PLEKHB1: variants seen among roughly 807,000 people sequenced by gnomAD.
PLEKHB1 encodes the protein pleckstrin homology domain-containing family B member 1.
Under a neutral mutation model 36.2 loss-of-function variants are expected in PLEKHB1, and 29 were observed. The ratio of observed to expected loss-of-function variants is 0.80; its 90% CI spans 0.60 to 1.09. The LOEUF is 1.09. Ranked by LOEUF, PLEKHB1 falls within the 50% of genes least tolerant of loss-of-function variation. The pLI, the probability that PLEKHB1 is intolerant of heterozygous loss-of-function variation, is 0.00. For synonymous variants in PLEKHB1, 138 were observed against 140.0 expected (o/e 0.99, Z 0.10); for missense variants, 330 against 348.2 (o/e 0.95, Z 0.42).
At chr11:73,649,876 G>A (rs1278229916) in intron 2 of PLEKHB1, among the ~76,000 whole-genome samples, 1 of 152,256 alleles carries the variant, frequency 6.6e-6, no homozygotes, top group East Asian at 1.9e-4. Context: ...GGAGGCAGAT[G>A]CTACACAAAT....
chr11:73,653,335 C>T (rs138611225), intron 5 of PLEKHB1: 114 of 599,540 alleles, frequency 1.9e-4, no homozygotes, highest in Non-Finnish European at 3.0e-4. Flanking sequence ...TCACAACAGT[C>T]CTGTGAAGTT....
chr11:73,656,090 A>G (rs1467147096), intron 6 of PLEKHB1, among the ~76,000 whole-genome samples, 183 bp downstream of exon 6: 1 of 152,142 alleles, frequency 6.6e-6, no homozygotes, highest in African/African-American at 2.4e-5. Context: ...TCCCTCTGCC[A>G]GCCTTCGCAC....
In PLEKHB1 at chr11:73,658,844, T is replaced by C. The variant is rs562984295; in HGVS notation, c.496-1909T>C. ...GTTGCCCAGACTGGTCTTGAACTCC[T>C]GCATTCAAGCAATCCTCCCGCCTCA... On this transcript the variant is annotated intron_variant, in intron 6 of 7. Transcript: ENST00000354190. 1.2e-3 allele frequency among the ~76,000 whole-genome samples: 179 copies of C among 152,314 alleles called. 1 individual carries two copies. The highest frequency in any genetic ancestry group is 4.1e-3 in the African/African-American group (172 of 41,578).
At chr11:73,657,154 T>C (rs1228680506) in intron 6 of PLEKHB1, among the ~76,000 whole-genome samples, 1 of 151,734 alleles carries the variant, frequency 6.6e-6, no homozygotes, top group Admixed American at 6.6e-5. Context: ...AAAAAAAAAA[T>C]TGTCTCCTGA....
chr11:73,651,849 C>T lies in PLEKHB1; in HGVS notation c.309C>T (p.Gly103=), dbSNP rs747673290. 5.6e-6 allele frequency: 9 copies of T among 1,613,392 alleles called. No individual in the cohort carries two copies. The highest frequency in any genetic ancestry group is 2.7e-5 in the African/African-American group (2 of 74,948). Reference sequence around the variant, plus strand: ...TGCTGACTGTGAACCTACGGGAAGGCGGCCGCCTGCACCTCTGTGCGGAGA... The same window carrying T: ...TGCTGACTGTGAACCTACGGGAAGGTGGCCGCCTGCACCTCTGTGCGGAGA... ...DGLLTVNLRE[G]GRLHLCAETK... is the part of the protein sequence containing the mutation. The change falls in exon 4 of 8, where the codon GGC becomes GGT. Residue 103 remains glycine (G), a synonymous_variant. Coordinates refer to ENST00000354190, the MANE Select transcript of PLEKHB1 (RefSeq NM_021200.3).
At chr11:73,651,549 C>T in intron 3 of PLEKHB1, 2 of 646,508 alleles carry the variant, frequency 3.1e-6, no homozygotes, top group Non-Finnish European at 5.7e-6. Flanking sequence ...CCACCAAGGC[C>T]CAGGCCACAG....
At chr11:73,654,079 G>A (rs1339077216) in intron 5 of PLEKHB1, among the ~76,000 whole-genome samples, 1 of 152,152 alleles carries the variant, frequency 6.6e-6, no homozygotes, top group Admixed American at 6.5e-5. Flanking sequence ...ATTATAGAGG[G>A]TAACTGCAGA....
At chr11:73,651,297 C>T in intron 3 of PLEKHB1, 1 of 386,294 alleles carries the variant, frequency 2.6e-6, no homozygotes, top group Admixed American at 3.1e-5. Flanking sequence ...GCAGAGGTTG[C>T]AGTGAGTGTT....
chr11:73,659,817 G>A (rs140085245), intron 6 of PLEKHB1, among the ~76,000 whole-genome samples: 18 of 152,306 alleles, frequency 1.2e-4, no homozygotes, highest in African/African-American at 4.3e-4. Flanking sequence ...CTATGGTCAT[G>A]TGGAGCTAAT....
intron 5 of PLEKHB1, 91 bp from the exon 6 acceptor site, chr11:73,655,712 C>A: frequency 8.8e-7 from 1 of 1,138,776 alleles, no homozygotes; most frequent in Non-Finnish European, 1.3e-6. Flanking sequence ...CTGGTAGGGT[C>A]TGGAAAGAGC....
chr11:73,648,963 T>G, intron 1 of PLEKHB1, 49 bp from the exon 2 acceptor site: 1 of 1,556,446 alleles, frequency 6.4e-7, no homozygotes, highest in Non-Finnish European at 8.7e-7. Flanking sequence ...GGGGCTTCTC[T>G]CCAGGGAGCT....
At chr11:73,647,129 A>C (rs609218) in intron 1 of PLEKHB1, among the ~76,000 whole-genome samples, 16,958 of 152,104 alleles carry the variant, frequency 0.11, 3,093 homozygotes, top group African/African-American at 0.38. Flanking sequence ...TCATAGGGGA[A>C]ATTTCGGGTC....
chr11:73,652,027 CGGGT>C (rs1272146051), intron 4 of PLEKHB1, 137 bp downstream of exon 4: 1 of 721,606 alleles, frequency 1.4e-6, no homozygotes, highest in Non-Finnish European at 2.3e-6. Flanking sequence ...TTATTGGAGG[CGGGT>C]GGAGTGGATT....
Position 73,662,036 on chromosome 11 carries a change from A to C in PLEKHB1, c.*434A>C, listed in dbSNP as rs1488534833. ...GACTTGACAAAGCTGAAGAGTTATC[A>C]GTCCTTTGACAAGGACAGGTGGGGC... On this transcript the variant is annotated 3_prime_UTR_variant, in exon 8 of 8. Coordinates refer to ENST00000354190, the MANE Select transcript of PLEKHB1 (RefSeq NM_021200.3). The C allele has an allele frequency of 1.2e-5, 2 of 162,418 alleles. No homozygotes were observed. The highest frequency in any genetic ancestry group is 2.7e-5 in the Non-Finnish European group (2 of 74,618). The allele number at this position is 162,418 out of a possible 1,614,324, so 10.1% of individuals were successfully genotyped here.
At chr11:73,656,312 T>G (rs1434907696) in intron 6 of PLEKHB1, among the ~76,000 whole-genome samples, 3 of 152,168 alleles carry the variant, frequency 2.0e-5, no homozygotes, top group African/African-American at 7.2e-5. Flanking sequence ...TTTATTCCTG[T>G]CTGTGTAGTC....
Position 73,661,052 on chromosome 11 carries a change from C to A in PLEKHB1, c.595+200C>A, listed in dbSNP as rs1400027487. The A allele has an allele frequency of 1.6e-6, 1 of 619,198 alleles. No homozygotes were observed. The highest frequency in any genetic ancestry group is 2.8e-5 in the Admixed American group (1 of 35,410). The allele number at this position is 619,198 out of a possible 1,614,324, so 38.4% of individuals were successfully genotyped here. A position where few individuals can be genotyped will look rare whatever the true frequency, so the allele number is the denominator to read the frequency against. On this transcript the variant is annotated intron_variant, in intron 7 of 7. Coordinates refer to ENST00000354190, the MANE Select transcript of PLEKHB1 (RefSeq NM_021200.3). The surrounding 1 kb of genome is among the most constrained non-coding windows in gnomAD (Gnocchi z 4.6). ...CAGCGTTCGTCTCGAGCTGACCTCACCCTTCTGGGATGGCTCCTCAGCCCT... is the reference window on the plus strand; with the variant it reads ...CAGCGTTCGTCTCGAGCTGACCTCAACCTTCTGGGATGGCTCCTCAGCCCT...
In PLEKHB1 at chr11:73,662,785, G is replaced by A. The variant is rs527752288; in HGVS notation, c.*1183G>A. On this transcript the variant is annotated 3_prime_UTR_variant, in exon 8 of 8. Coordinates refer to ENST00000354190, the MANE Select transcript of PLEKHB1 (RefSeq NM_021200.3). ...TGGGGGCTCCATTAGTTCTGCTGCC[G>A]AGACTAATAAAGATTTGGTTGGCTC... 1.9e-4 allele frequency: 29 copies of A among 152,276 alleles called. No individual in the cohort carries two copies. The highest frequency in any genetic ancestry group is 6.3e-4 in the African/African-American group (26 of 41,546). The allele number at this position is 152,276 out of a possible 1,614,324, so 9.4% of individuals were successfully genotyped here.
chr11:73,656,340 C>T (rs533800285), intron 6 of PLEKHB1, among the ~76,000 whole-genome samples: 1 of 152,268 alleles, frequency 6.6e-6, no homozygotes, highest in African/African-American at 2.4e-5. Context: ...AGGCCTAGAA[C>T]TTCCTCCAAG....
At chr11:73,651,178 C>T (rs1213935568) in intron 3 of PLEKHB1, among the ~76,000 whole-genome samples, 1 of 151,442 alleles carries the variant, frequency 6.6e-6, no homozygotes, top group African/African-American at 2.4e-5. Flanking sequence ...GGCAAAACCC[C>T]GTCTCTACCA....
Sources: allele counts gnomAD v4.1 joint callset (sites outside exome capture counted in the v4.1 genomes callset), GRCh38; gene constraint gnomAD v4.1.1; non-coding constraint Gnocchi (gnomAD v3.1); transcripts MANE v1.5; gene names NCBI Gene and HGNC (gene_info 2026-07-23, HGNC 2026-07-21).